Variants in QKI observed in about 807,000 individuals in gnomAD.
QKI encodes the protein KH domain-containing RNA-binding protein QKI.
In QKI, 10 loss-of-function variants were observed where a neutral mutation model predicts 39.0. The observed-to-expected ratio is 0.26, with a 90% CI of 0.16 to 0.43. QKI has a LOEUF of 0.43. Ranked by LOEUF, QKI falls within the 20% of genes least tolerant of loss-of-function variation. QKI has a pLI of 1.00. For missense variants in QKI, 218 were observed against 428.0 expected (o/e 0.51, Z 4.33); for synonymous variants, 204 against 155.4 (o/e 1.31, Z -2.33).
intron 1 of QKI, among the ~76,000 whole-genome samples, chr6:163,418,345 G>A (rs1238349331): frequency 6.6e-6 from 1 of 152,088 alleles, no homozygotes; most frequent in Non-Finnish European, 1.5e-5. Flanking sequence ...ACAAATTTGA[G>A]GATTAAGTGT....
chr6:163,500,335 T>G (rs1446929342), intron 3 of QKI, among the ~76,000 whole-genome samples: 4 of 152,100 alleles, frequency 2.6e-5, no homozygotes, highest in African/African-American at 9.7e-5. Context: ...GATTCATTAG[T>G]TGGCTGTTGC....
chr6:163,517,078 TC>T (rs765466725), intron 3 of QKI, among the ~76,000 whole-genome samples: 43,476 of 139,268 alleles, frequency 0.31, 6,911 homozygotes, highest in South Asian at 0.48. Context: ...TCTCTCTCTC[TC>T]TTTCTCTCTC....
chr6:163,473,453 A>C (rs1792353454), intron 2 of QKI, among the ~76,000 whole-genome samples: 1 of 152,176 alleles, frequency 6.6e-6, no homozygotes, highest in Admixed American at 6.6e-5. Context: ...TCATTTTTGA[A>C]ATCAGTCTAC....
chr6:163,460,103 TCTA>T (rs773630428), intron 2 of QKI, among the ~76,000 whole-genome samples: 14 of 152,202 alleles, frequency 9.2e-5, no homozygotes, highest in Non-Finnish European at 1.6e-4. Context: ...ATTGGCAAGG[TCTA>T]GCTGTTGATG....
intron 4 of QKI, among the ~76,000 whole-genome samples, chr6:163,536,018 G>C (rs1051968474): frequency 1.3e-5 from 2 of 152,128 alleles, no homozygotes; most frequent in Non-Finnish European, 2.9e-5. Flanking sequence ...TATGGTTCCT[G>C]CTGCTTTTTA....
chr6:163,560,750 A>G (rs752387431), intron 4 of QKI, among the ~76,000 whole-genome samples: 1 of 152,248 alleles, frequency 6.6e-6, no homozygotes, highest in Non-Finnish European at 1.5e-5. Context: ...GTTTTGAGAC[A>G]GAATGTTGAG....
chr6:163,438,221 C>T (rs1044255589), intron 1 of QKI, among the ~76,000 whole-genome samples: 6 of 152,240 alleles, frequency 3.9e-5, no homozygotes, highest in Non-Finnish European at 8.8e-5. Flanking sequence ...GATAATATTT[C>T]AGATAAATAA....
Position 163,575,850 on chromosome 6 carries a change from G to A in QKI, c.*5140G>A, listed in dbSNP as rs1361144247. The A allele has an allele frequency of 6.6e-6, 1 of 152,074 alleles. No individual in the cohort carries two copies. The highest frequency in any genetic ancestry group is 6.6e-5 in the Admixed American group (1 of 15,260). 9.4% of individuals were successfully genotyped at this position (152,074 alleles called of 1,614,324 possible). On this transcript the variant is annotated 3_prime_UTR_variant, in exon 8 of 8. Coordinates refer to ENST00000361752, the MANE Select transcript of QKI (RefSeq NM_006775.3). The stretch of plus-strand genomic sequence containing the variant: ...AACACTTTCACGTGTGACAGCCTAA[G>A]GTTTCTTTAGTTTTAGGATGGGGTG...
chr6:163,509,059 A>T (rs981589678), intron 3 of QKI, among the ~76,000 whole-genome samples: 7 of 152,036 alleles, frequency 4.6e-5, no homozygotes, highest in Admixed American at 2.6e-4. Flanking sequence ...GAATCACTTG[A>T]ATCCGGGAGG....
At chr6:163,563,808 A>G in intron 6 of QKI, 89 bp downstream of exon 6, 1 of 1,523,448 alleles carries the variant, frequency 6.6e-7, no homozygotes, top group South Asian at 1.3e-5. Flanking sequence ...TCAGTTTTAG[A>G]GAGGCAAGAC....
chr6:163,505,308 G>T (rs1252457098), intron 3 of QKI, among the ~76,000 whole-genome samples: 1 of 152,184 alleles, frequency 6.6e-6, no homozygotes, highest in East Asian at 1.9e-4. Context: ...TCCCCACTGG[G>T]TCATGGCCTA....
chr6:163,554,017 GC>G (rs1782428584), intron 4 of QKI, among the ~76,000 whole-genome samples: 1 of 152,130 alleles, frequency 6.6e-6, no homozygotes, highest in African/African-American at 2.4e-5. Flanking sequence ...TGCAAAAAAA[GC>G]ATCTTTTACC....
intron 3 of QKI, among the ~76,000 whole-genome samples, chr6:163,517,272 C>T (rs1779888416): frequency 6.6e-6 from 1 of 152,136 alleles, no homozygotes; most frequent in African/African-American, 2.4e-5. Flanking sequence ...AAGACCAAAG[C>T]CCTCTTTTAA....
chr6:163,486,703 G>C (rs568513184), intron 3 of QKI, among the ~76,000 whole-genome samples: 53 of 152,280 alleles, frequency 3.5e-4, no homozygotes, highest in African/African-American at 1.2e-3. Flanking sequence ...CACTACCCTT[G>C]TTTATAGTTT....
intron 3 of QKI, among the ~76,000 whole-genome samples, chr6:163,498,709 T>A (rs2128230821): frequency 6.6e-6 from 1 of 152,286 alleles, no homozygotes; most frequent in South Asian, 2.1e-4. Flanking sequence ...AATAATTTTT[T>A]ATGATTAAAA....
At chr6:163,469,890 A>G (rs886768938) in intron 2 of QKI, among the ~76,000 whole-genome samples, 1 of 152,188 alleles carries the variant, frequency 6.6e-6, no homozygotes, top group African/African-American at 2.4e-5. Flanking sequence ...ACATTGTTAC[A>G]CCATACTACC....
At chr6:163,489,476 C>T (rs1378270553) in intron 3 of QKI, among the ~76,000 whole-genome samples, 1 of 150,584 alleles carries the variant, frequency 6.6e-6, no homozygotes, top group South Asian at 2.1e-4. Context: ...AAAGTCATTA[C>T]TGTTATGAAC....
At chr6:163,510,000 A>G (rs1779335950) in intron 3 of QKI, among the ~76,000 whole-genome samples, 1 of 151,966 alleles carries the variant, frequency 6.6e-6, no homozygotes, top group Non-Finnish European at 1.5e-5. Flanking sequence ...AATTGCCCTG[A>G]GCTCAGGAGT....
At chr6:163,431,299 G>A (rs1028114906) in intron 1 of QKI, among the ~76,000 whole-genome samples, 1 of 152,150 alleles carries the variant, frequency 6.6e-6, no homozygotes, top group Non-Finnish European at 1.5e-5. Flanking sequence ...AATGATTTCA[G>A]TAATGAATTT....
Sources: allele counts gnomAD v4.1 joint callset (sites outside exome capture counted in the v4.1 genomes callset), GRCh38; gene constraint gnomAD v4.1.1; transcripts MANE v1.5; gene names NCBI Gene and HGNC (gene_info 2026-07-23, HGNC 2026-07-21).